SETX: variants seen among roughly 807,000 people sequenced by gnomAD.
The protein encoded by SETX is senataxin.
SETX carries 90 observed loss-of-function variants against 227.2 expected under a neutral mutation model. The observed-to-expected ratio is 0.40, with a 90% CI of 0.33 to 0.47. The LOEUF is 0.47. SETX is among the 20% of genes least tolerant of loss of function. The pLI, the probability that SETX is intolerant of heterozygous loss-of-function variation, is 0.91. For missense variants in SETX, 3,052 were observed against 3,181.5 expected, an observed-to-expected ratio of 0.96 and a Z score of 0.98; for synonymous variants, 1,210 against 1,113.2, an observed-to-expected ratio of 1.09 and a Z score of -1.73.
Position 132,329,136 on chromosome 9 carries a change from T to C in SETX, c.2462A>G (p.Glu821Gly). 1 of 1,610,486 alleles carries C rather than the reference T, an allele frequency of 6.2e-7. No individual in the cohort carries two copies. The highest frequency in any genetic ancestry group is 1.1e-5 in the South Asian group (1 of 90,542). Residue 821 changes from glutamate to glycine, a missense_variant, in exon 10 of 26, where the codon GAG (glutamate) becomes GGG (glycine). Glu to Gly is a moderately conservative substitution (Grantham distance 98). This residue lies in a region of SETX where 1,483 missense variants were observed against 1,312.0 expected (regional missense o/e 1.13). Transcript: ENST00000224140. ...LDENLTVSNIESFYSRKDTGV... is the reference protein window; with the variant it reads ...LDENLTVSNIGSFYSRKDTGV... ...TGTATCTTTCCTTGAATAGAAACTC[T>C]CAATGTTAGATACAGTCAAATTTTC... is the stretch of plus-strand genomic sequence containing the variant.
At chr9:132,355,986 C>A (rs1292008445), upstream of SETX, among the ~76,000 whole-genome samples, 8 of 82,818 alleles carry the variant, frequency 9.7e-5, no homozygotes, top group Non-Finnish European at 2.6e-5. Flanking sequence ...GACTCTCTCT[C>A]CGGAAAAAAA....
At chr9:132,291,159 CTTTT>C (rs139976052) in intron 15 of SETX, among the ~76,000 whole-genome samples, 2 of 83,820 alleles carry the variant, frequency 2.4e-5, no homozygotes, top group Admixed American at 3.2e-4. Context: ...GTTTGAAAAC[CTTTT>C]TTTTTTTTTT....
At chr9:132,276,375 C>G (rs149787984) in intron 22 of SETX, among the ~76,000 whole-genome samples, 6 of 152,316 alleles carry the variant, frequency 3.9e-5, no homozygotes, top group African/African-American at 7.2e-5. Context: ...AATGAGTGTT[C>G]CCTACTTCCA....
chr9:132,285,071 G>A (rs988061954), intron 18 of SETX, among the ~76,000 whole-genome samples: 3 of 151,972 alleles, frequency 2.0e-5, no homozygotes, highest in African/African-American at 7.2e-5. Context: ...TAGAGACGGG[G>A]TTTCACTGTG....
At position 132,288,619 on chromosome 9, in the gene SETX, C is replaced by A. The variant is rs762479596; in HGVS notation, c.6139G>T (p.Gly2047Cys). The change falls in exon 16 of 26, where the codon GGT (glycine) becomes TGT (cysteine). Residue 2047 changes from glycine (G) to cysteine (C), a missense_variant. Physicochemically the swap from Gly to Cys is radical, Grantham distance 159. This residue lies in a region of SETX where 412 missense variants were observed against 589.0 expected (regional missense o/e 0.70). Coordinates refer to ENST00000224140, the MANE Select transcript of SETX (RefSeq NM_015046.7). Reference sequence around the variant, plus strand: ...TCACTATTAATAGACTTTTCTGGACCCAGTCGTACTAAATTTATATCTCCA... The same window carrying A: ...TCACTATTAATAGACTTTTCTGGACACAGTCGTACTAAATTTATATCTCCA... ...NCGDINLVRL[G>C]PEKSINSEVL... 1 of 1,613,644 alleles carries A rather than the reference C, an allele frequency of 6.2e-7. No homozygotes were observed. Among genetic ancestry groups the A allele is most frequent in the Non-Finnish European group, 8.5e-7 (1 of 1,179,754 alleles).
At position 132,288,271 on chromosome 9, in the gene SETX, G is replaced by C. The variant is rs901109960; in HGVS notation, c.6289C>G (p.Gln2097Glu). The change falls in exon 17 of 26, where the codon CAG (glutamine) becomes GAG (glutamate). Residue 2097 changes from glutamine (Q) to glutamate (E), a missense_variant. Transcript: ENST00000224140. ...CGTCCACCTCGGCATAGAGCTCGCT[G>C]CCGGGAAAGCTCATCCAGCTGATAA... is the stretch of plus-strand genomic sequence containing the variant. ...LDYQLDELSRQRALCRGGREI... is the reference protein window; with the variant it reads ...LDYQLDELSRERALCRGGREI... 1 of 1,614,066 alleles carries C rather than the reference G, an allele frequency of 6.2e-7. No individual in the cohort carries two copies. Among genetic ancestry groups the C allele is most frequent in the African/African-American group, 1.3e-5 (1 of 74,932 alleles).
At chr9:132,301,212 C>T (rs1844978947) in intron 11 of SETX, among the ~76,000 whole-genome samples, 1 of 151,240 alleles carries the variant, frequency 6.6e-6, no homozygotes, top group African/African-American at 2.4e-5. Flanking sequence ...CCTGCCTTAG[C>T]CTCCCAAATA....
chr9:132,288,139 G>A (rs1021581667), intron 17 of SETX, 97 bp downstream of exon 17: 2 of 939,594 alleles, frequency 2.1e-6, no homozygotes, highest in Admixed American at 4.0e-5. Context: ...TTGTGCTACT[G>A]CACTCCAGCC....
At chr9:132,352,733 A>G (rs1848666562) in intron 2 of SETX, among the ~76,000 whole-genome samples, 1 of 152,232 alleles carries the variant, frequency 6.6e-6, no homozygotes, top group East Asian at 1.9e-4. Flanking sequence ...ATCCAACTGC[A>G]TACAGTGTAT....
Position 132,328,915 on chromosome 9 carries a change from C to A in SETX, c.2683G>T (p.Glu895Ter). Residue 895 changes from glutamate to a stop codon, truncating the protein, a stop_gained, in exon 10 of 26, where the codon GAA becomes TAA. Transcript: ENST00000224140. LOFTEE classifies it high-confidence loss of function. ...KIQEFHVDGK[E>*]LIPFTEMTNA... ...GTCATTTCTGTAAAAGGGATCAATT[C>A]TTTACCATCAACATGAAATTCCTGT... 1.2e-6 allele frequency: 2 copies of A among 1,613,486 alleles called. No homozygotes were observed. Among genetic ancestry groups the A allele is most frequent in the Non-Finnish European group, 1.7e-6 (2 of 1,179,856 alleles).
intron 11 of SETX, 134 bp from the exon 12 acceptor site, chr9:132,300,937 A>G (rs1047754795): frequency 6.1e-5 from 42 of 691,274 alleles, no homozygotes; most frequent in East Asian, 2.8e-5. Flanking sequence ...ATATACTTTA[A>G]AATGGTAATC....
chr9:132,300,657 C>T lies in SETX; in HGVS notation c.5521G>A (p.Val1841Ile). The change falls in exon 12 of 26, where the codon GTT becomes ATT. Residue 1841 changes from valine (V) to isoleucine (I), a missense_variant. By Grantham distance (29) the Val-to-Ile change is conservative (BLOSUM62 3). Transcript: ENST00000224140. ...ACTGACGTGCGGCGAAATTTATGAA[C>T]ATAACCAGAATGATATTCGTGGAGA... ...QDLHEYHSGY[V>I]HKFRRTSVMR... is the part of the protein sequence containing the mutation. 6.2e-7 allele frequency: 1 copy of T among 1,613,728 alleles called. No individual in the cohort carries two copies. Among genetic ancestry groups the T allele is most frequent in the Non-Finnish European group, 8.5e-7 (1 of 1,179,900 alleles).
At position 132,336,323 on chromosome 9, in the gene SETX, T is replaced by C; in HGVS notation, c.691A>G (p.Thr231Ala). The C allele has an allele frequency of 6.2e-7, 1 of 1,613,656 alleles. No individual in the cohort carries two copies. Among genetic ancestry groups the C allele is most frequent in the Non-Finnish European group, 8.5e-7 (1 of 1,179,544 alleles). ...AACCAATAGCTTTTGTAGTTGGTAG[T>C]ATCATACATGTGTGAGGGCAGAAGA... is the stretch of plus-strand genomic sequence containing the variant. ...LILLPSHMYD[T>A]TNYKSYWLGI... Residue 231 changes from threonine to alanine, a missense_variant, in exon 6 of 26, where the codon ACT (threonine) becomes GCT (alanine). Coordinates refer to ENST00000224140, the MANE Select transcript of SETX (RefSeq NM_015046.7).
intron 2 of SETX, among the ~76,000 whole-genome samples, chr9:132,350,905 G>C (rs1232959187): frequency 6.6e-6 from 1 of 152,128 alleles, no homozygotes; most frequent in Non-Finnish European, 1.5e-5. Flanking sequence ...ATCGACGTGG[G>C]GGGGAAAAAG....
intron 24 of SETX, among the ~76,000 whole-genome samples, chr9:132,271,366 C>T (rs561249455): frequency 6.6e-6 from 1 of 152,158 alleles, no homozygotes; most frequent in Non-Finnish European, 1.5e-5. Context: ...GAGTTTGAGA[C>T]CAGCCTGGGC....
Position 132,274,072 on chromosome 9 carries a change from A to G in SETX, c.7100+1184T>C, listed in dbSNP as rs531332690. Among the ~76,000 whole-genome samples the G allele has an allele frequency of 3.3e-5, 5 of 151,734 alleles. No individual in the cohort carries two copies. In the East Asian group the frequency reaches 5.8e-4, roughly 18 times the overall value. ...GGTCTCCTCATTCTTCTAATATGGT[A>G]TATCATATTGATTTTCATATGTTGA... On this transcript the variant is annotated intron_variant, in intron 23 of 25. Transcript: ENST00000224140.
At chr9:132,278,381 C>T (rs534001211) in intron 20 of SETX, 124 bp from the exon 21 acceptor site, 2 of 845,598 alleles carry the variant, frequency 2.4e-6, no homozygotes, top group Admixed American at 4.4e-5. Context: ...AGATTACCAA[C>T]CACAGCTTCA....
chr9:132,296,947 T>C lies in SETX; in HGVS notation c.5889A>G (p.Gly1963=). ...PSVAKICLIH[G]PPGTGKSKTI... is the part of the protein sequence containing the mutation. ...TTTTTGATTTTCCTGTTCCAGGTGG[T>C]CCATGAATCAAGCAGATTTTGGCAA... The change falls in exon 14 of 26, where the codon GGA becomes GGG. Residue 1963 remains glycine (G), a synonymous_variant. Transcript: ENST00000224140. 6.2e-7 allele frequency: 1 copy of C among 1,614,122 alleles called. No individual in the cohort carries two copies. Among genetic ancestry groups the C allele is most frequent in the Non-Finnish European group, 8.5e-7 (1 of 1,180,020 alleles).
intron 15 of SETX, among the ~76,000 whole-genome samples, chr9:132,291,918 T>C (rs1290685070): frequency 1.3e-5 from 2 of 152,122 alleles, no homozygotes; most frequent in East Asian, 1.9e-4. Flanking sequence ...TAAAAACAAG[T>C]GTAATTATCT....
Sources: allele counts gnomAD v4.1 joint callset (sites outside exome capture counted in the v4.1 genomes callset), GRCh38; gene constraint gnomAD v4.1.1; regional missense constraint gnomAD v4.1.1; transcripts MANE v1.5; gene names NCBI Gene and HGNC (gene_info 2026-07-23, HGNC 2026-07-21).